Variants in GRID2 observed in about 807,000 individuals in gnomAD.
GRID2 encodes the protein glutamate ionotropic receptor delta type subunit 2.
GRID2 carries 33 observed loss-of-function variants against 114.8 expected under a neutral mutation model. The observed-to-expected ratio is 0.29, with a 90% CI of 0.22 to 0.38. The LOEUF is 0.38. GRID2 is among the 10% of genes least tolerant of loss of function. The pLI, the probability that GRID2 is intolerant of heterozygous loss-of-function variation, is 1.00. For synonymous variants in GRID2, 505 were observed against 449.9 expected, an observed-to-expected ratio of 1.12 and a Z score of -1.55; for missense variants, 1,184 against 1,257.7, an observed-to-expected ratio of 0.94 and a Z score of 0.89.
chr4:92,313,406 C>T (rs995502361), intron 1 of GRID2, among the ~76,000 whole-genome samples: 6 of 151,824 alleles, frequency 4.0e-5, no homozygotes, highest in South Asian at 2.1e-4. Flanking sequence ...CAGGTTCTCA[C>T]GAATCTCCCC....
chr4:93,184,927 A>G (rs1044678584), intron 4 of GRID2, among the ~76,000 whole-genome samples: 7 of 152,150 alleles, frequency 4.6e-5, no homozygotes, highest in Non-Finnish European at 7.4e-5. Context: ...TCTCCCAGGT[A>G]CTTATTTGTA....
intron 4 of GRID2, among the ~76,000 whole-genome samples, chr4:93,191,666 C>A (rs1740992365): frequency 6.6e-6 from 1 of 151,870 alleles, no homozygotes; most frequent in Non-Finnish European, 1.5e-5. Context: ...ATTTATTTTT[C>A]TTTTTGTCAC....
In GRID2 at chr4:93,180,720, C is replaced by T. The variant is rs577485834; in HGVS notation, c.736-26684C>T. 1.2e-4 allele frequency among the ~76,000 whole-genome samples: 19 copies of T among 152,216 alleles called. No homozygotes were observed. In the South Asian group the frequency reaches 3.9e-3, roughly 32 times the overall value. ...CCAGCATCTTCACCAGGAATAGACT[C>T]CACTTCAAGAAACCACTTTTATTGC... On this transcript the variant is annotated intron_variant, in intron 4 of 15. Transcript: ENST00000282020.
chr4:93,034,906 T>C (rs1324186601), intron 2 of GRID2, among the ~76,000 whole-genome samples: 1 of 152,216 alleles, frequency 6.6e-6, no homozygotes, highest in African/African-American at 2.4e-5. Flanking sequence ...GTGTTCAGCA[T>C]ATTCTTGGAC....
intron 13 of GRID2, among the ~76,000 whole-genome samples, chr4:93,596,026 T>G (rs1171137699): frequency 6.6e-6 from 1 of 152,206 alleles, no homozygotes; most frequent in African/African-American, 2.4e-5. Context: ...GTAAATTATT[T>G]GTTTATTCTA....
intron 2 of GRID2, among the ~76,000 whole-genome samples, chr4:92,949,189 T>C (rs1386787586): frequency 1.3e-5 from 2 of 151,498 alleles, no homozygotes; most frequent in East Asian, 3.9e-4. Flanking sequence ...AAGGAGGGAG[T>C]ATTTAACGAG....
chr4:93,211,536 T>C (rs955827702), intron 5 of GRID2, among the ~76,000 whole-genome samples: 3 of 152,122 alleles, frequency 2.0e-5, no homozygotes, highest in Admixed American at 6.6e-5. Flanking sequence ...GTTAGAAGTC[T>C]AGGAGATAAT....
intron 2 of GRID2, among the ~76,000 whole-genome samples, chr4:93,036,968 A>T (rs1375040972): frequency 2.0e-5 from 3 of 152,218 alleles, no homozygotes; most frequent in African/African-American, 7.2e-5. Flanking sequence ...TAGGAAAGGT[A>T]CAAAGCAGTA....
intron 2 of GRID2, among the ~76,000 whole-genome samples, chr4:92,851,573 A>T (rs1743798022): frequency 6.6e-6 from 1 of 152,126 alleles, no homozygotes; most frequent in South Asian, 2.1e-4. Flanking sequence ...ATTAAGAGAT[A>T]ATTATGTAGG....
chr4:93,300,939 T>A (rs1204249747), intron 8 of GRID2, among the ~76,000 whole-genome samples: 1 of 152,212 alleles, frequency 6.6e-6, no homozygotes, highest in Non-Finnish European at 1.5e-5. Flanking sequence ...TTCTACACAA[T>A]GTCTGGAATC....
chr4:92,964,784 C>T (rs918972585), intron 2 of GRID2, among the ~76,000 whole-genome samples: 1 of 151,928 alleles, frequency 6.6e-6, no homozygotes, highest in African/African-American at 2.4e-5. Flanking sequence ...AGACTTAGGG[C>T]CTTTCCTTAG....
chr4:92,336,127 C>T (rs1283571499), intron 1 of GRID2, among the ~76,000 whole-genome samples: 2 of 152,118 alleles, frequency 1.3e-5, no homozygotes, highest in Non-Finnish European at 1.5e-5. Flanking sequence ...TGTGTGTACA[C>T]ATTTATTTGT....
intron 14 of GRID2, among the ~76,000 whole-genome samples, chr4:93,674,922 T>C (rs1423619825): frequency 6.6e-6 from 1 of 152,046 alleles, no homozygotes; most frequent in African/African-American, 2.4e-5. Context: ...AATAAGTAAA[T>C]GGATGGAAGA....
chr4:93,354,033 A>G (rs1041312395), intron 8 of GRID2, among the ~76,000 whole-genome samples: 6 of 151,298 alleles, frequency 4.0e-5, no homozygotes, highest in African/African-American at 1.5e-4. Context: ...GCACACACAC[A>G]CACACACACA....
In GRID2 at chr4:92,943,917, A is replaced by T. The variant is rs201463699; in HGVS notation, c.245-141078A>T. On this transcript the variant is annotated intron_variant, in intron 2 of 15. Transcript: ENST00000282020. ...AACAGCGGCTACTGGTGAACAGCAAATGTTGCTGCCTGATTGTTCCTCTGG... is the reference window on the plus strand; with the variant it reads ...AACAGCGGCTACTGGTGAACAGCAATTGTTGCTGCCTGATTGTTCCTCTGG... Among the ~76,000 whole-genome samples, 154 of 152,256 alleles carry T rather than the reference A, an allele frequency of 1.0e-3. 1 individual carries two copies. The highest frequency in any genetic ancestry group is 8.0e-3 in the Admixed American group (122 of 15,294).
At chr4:93,289,058 A>C (rs1432944320) in intron 8 of GRID2, among the ~76,000 whole-genome samples, 1 of 152,178 alleles carries the variant, frequency 6.6e-6, no homozygotes, top group Non-Finnish European at 1.5e-5. Context: ...AACCTTTTGG[A>C]AAATTGGGTA....
chr4:93,721,431 T>C (rs768518409), intron 14 of GRID2, among the ~76,000 whole-genome samples: 29 of 152,224 alleles, frequency 1.9e-4, no homozygotes, highest in Non-Finnish European at 1.8e-4. Context: ...CAGGAATGTC[T>C]AGGTTAACAA....
intron 4 of GRID2, among the ~76,000 whole-genome samples, chr4:93,141,387 A>G (rs538274552): frequency 6.6e-6 from 1 of 152,178 alleles, no homozygotes; most frequent in South Asian, 2.1e-4. Flanking sequence ...GATAAAGTGG[A>G]TCCTAGATCC....
intron 14 of GRID2, among the ~76,000 whole-genome samples, chr4:93,694,895 G>A (rs1028365887): frequency 2.7e-5 from 4 of 149,560 alleles, no homozygotes; most frequent in African/African-American, 7.5e-5. Context: ...AATGGTGGCC[G>A]GGGCGGTGGC....
Sources: gnomAD v4.1 joint callset for allele counts (sites outside exome capture counted in the v4.1 genomes callset) on GRCh38, gnomAD v4.1.1 for gene constraint, MANE v1.5 for transcripts, NCBI Gene and HGNC (gene_info 2026-07-23, HGNC 2026-07-21) for gene names.